QTGAL: variants seen among roughly 807,000 people sequenced by gnomAD.
QTGAL encodes queuosine-tRNA galactosyltransferase.
At chr17:83,013,507 C>A in the QTGAL span, among the ~76,000 whole-genome samples, 11 of 149,092 alleles carry the variant, frequency 7.4e-5, no homozygotes, top group African/African-American at 2.5e-4. Flanking sequence ...CCCGTCCTGC[C>A]CTTGCCCCCC....
the QTGAL span, among the ~76,000 whole-genome samples, chr17:82,960,783 G>A: frequency 1.4e-3 from 208 of 152,330 alleles, 1 homozygote; most frequent in Non-Finnish European, 1.7e-3. Context: ...AGAAGGACCC[G>A]GCGCGTGGTC....
the QTGAL span, among the ~76,000 whole-genome samples, chr17:83,026,162 C>A: frequency 6.6e-6 from 1 of 152,228 alleles, no homozygotes; most frequent in Non-Finnish European, 1.5e-5. Context: ...CCCTTTGCTC[C>A]TGCTCAGCCA....
At chr17:83,002,320 A>C in the QTGAL span, among the ~76,000 whole-genome samples, 1 of 152,186 alleles carries the variant, frequency 6.6e-6, no homozygotes, top group Non-Finnish European at 1.5e-5. Flanking sequence ...CTGAAACTCA[A>C]CATGTGTCCA....
the QTGAL span, among the ~76,000 whole-genome samples, chr17:82,959,931 G>A: frequency 0.044 from 6,620 of 152,180 alleles, 332 homozygotes; most frequent in Admixed American, 0.11. Context: ...TCCCCAGGGC[G>A]CCCTATGCCT....
the QTGAL span, among the ~76,000 whole-genome samples, chr17:82,986,659 T>C: frequency 6.6e-6 from 1 of 152,270 alleles, no homozygotes; most frequent in African/African-American, 2.4e-5. Flanking sequence ...CCCTGATCAC[T>C]GTGAACTCAC....
the QTGAL span, among the ~76,000 whole-genome samples, chr17:82,961,613 G>A: frequency 6.6e-6 from 1 of 152,230 alleles, no homozygotes. Flanking sequence ...CCGACTGTGG[G>A]CAGAGGACAG....
At chr17:82,971,138 C>T in the QTGAL span, among the ~76,000 whole-genome samples, 1 of 152,186 alleles carries the variant, frequency 6.6e-6, no homozygotes, top group Non-Finnish European at 1.5e-5. Flanking sequence ...CAAATTTCAA[C>T]GTTTCACGGG....
the QTGAL span, among the ~76,000 whole-genome samples, chr17:82,964,030 G>T: frequency 1.5e-5 from 2 of 134,612 alleles, no homozygotes; most frequent in Non-Finnish European, 3.2e-5. Context: ...GCTGAGGTCG[G>T]GGGGGTGGAT....
At chr17:83,009,766 G>A in the QTGAL span, among the ~76,000 whole-genome samples, 37 of 152,242 alleles carry the variant, frequency 2.4e-4, no homozygotes, top group South Asian at 1.7e-3. Flanking sequence ...GCAAATGAAC[G>A]CAGAGAGCTC....
At chr17:83,005,850 G>A in the QTGAL span, 50 of 1,336,476 alleles carry the variant, frequency 3.7e-5, no homozygotes, top group African/African-American at 5.6e-4. The surrounding 1 kb of genome is among the most constrained non-coding windows in gnomAD (Gnocchi z 5.6). Context: ...CCCTTCCCCC[G>A]CCCTCCGCCC....
At chr17:83,023,626 T>C in the QTGAL span, among the ~76,000 whole-genome samples, 2 of 152,216 alleles carry the variant, frequency 1.3e-5, no homozygotes, top group African/African-American at 4.8e-5. Flanking sequence ...GATTCAGGAA[T>C]CTCTTGGTCA....
At chr17:82,968,545 C>A in the QTGAL span, among the ~76,000 whole-genome samples, 15,263 of 124,812 alleles carry the variant, frequency 0.12, 2,709 homozygotes, top group South Asian at 0.19. Flanking sequence ...TGTCTGTCGG[C>A]AACAGGGAAG....
the QTGAL span, among the ~76,000 whole-genome samples, chr17:83,047,461 AAAAGAAATTTAGGT>A: frequency 6.6e-6 from 1 of 150,938 alleles, no homozygotes; most frequent in African/African-American, 2.4e-5. Flanking sequence ...TTATCAAAGA[AAAAGAAATTTAGGT>A]CTATAATAAA....
At chr17:83,046,861 C>T in the QTGAL span, among the ~76,000 whole-genome samples, 1 of 152,202 alleles carries the variant, frequency 6.6e-6, no homozygotes, top group Non-Finnish European at 1.5e-5. Flanking sequence ...AAACATGGTA[C>T]TTATGTACAA....
the QTGAL span, among the ~76,000 whole-genome samples, chr17:82,977,784 G>A: frequency 6.6e-6 from 1 of 152,190 alleles, no homozygotes; most frequent in Non-Finnish European, 1.5e-5. Context: ...TGGGACCGAG[G>A]GGGGTGGAAC....
At chr17:83,033,475 C>CCT in the QTGAL span, among the ~76,000 whole-genome samples, 1 of 145,478 alleles carries the variant, frequency 6.9e-6, no homozygotes, top group African/African-American at 2.6e-5. Flanking sequence ...AAGTTATATG[C>CCT]TTTTTTTTTT....
At chr17:82,980,302 T>G in the QTGAL span, among the ~76,000 whole-genome samples, 1 of 152,170 alleles carries the variant, frequency 6.6e-6, no homozygotes, top group African/African-American at 2.4e-5. Flanking sequence ...AGGCTGTTTT[T>G]CCTCTGCTCT....
the QTGAL span, among the ~76,000 whole-genome samples, chr17:82,969,628 T>G: frequency 1.3e-5 from 2 of 152,182 alleles, no homozygotes; most frequent in African/African-American, 4.8e-5. Flanking sequence ...TATGCTGTGC[T>G]TACACCTGTC....
At chr17:83,024,976 C>T in the QTGAL span, among the ~76,000 whole-genome samples, 1 of 152,238 alleles carries the variant, frequency 6.6e-6, no homozygotes, top group African/African-American at 2.4e-5. Context: ...AGGAGCAAGA[C>T]GTCCCCCAAG....
Sources: gnomAD v4.1 joint callset for allele counts (sites outside exome capture counted in the v4.1 genomes callset) on GRCh38, gnomAD v4.1.1 for gene constraint, Gnocchi (gnomAD v3.1) non-coding constraint, MANE v1.5 for transcripts, NCBI Gene and HGNC (gene_info 2026-07-23, HGNC 2026-07-21) for gene names.